B4GALNT3: variants seen among roughly 807,000 people sequenced by gnomAD.
B4GALNT3 encodes the protein beta-1,4-N-acetylgalactosaminyltransferase 3.
B4GALNT3 carries 86 observed loss-of-function variants against 120.2 expected under a neutral mutation model. The observed-to-expected ratio is 0.72, with a 90% CI of 0.60 to 0.86. The LOEUF (loss-of-function observed/expected upper bound fraction) is 0.86, where lower values mean the gene tolerates loss of function less well. B4GALNT3 is among the 40% of genes least tolerant of loss of function. B4GALNT3 has a pLI of 0.00. For synonymous variants in B4GALNT3, 518 were observed against 510.4 expected, an observed-to-expected ratio of 1.01 and a Z score of -0.20; for missense variants, 1,167 against 1,298.9, an observed-to-expected ratio of 0.90 and a Z score of 1.56.
intron 1 of B4GALNT3, among the ~76,000 whole-genome samples, chr12:496,722 G>A (rs189273686): frequency 1.3e-5 from 2 of 152,174 alleles, no homozygotes. Context: ...CTCTGCCCAT[G>A]CGCGTTAAGC....
chr12:511,394 TGTCTTCCACCTTCCTTCC>T (rs1946554653), intron 1 of B4GALNT3, among the ~76,000 whole-genome samples: 1 of 71,534 alleles, frequency 1.4e-5, no homozygotes, highest in Non-Finnish European at 3.2e-5. Flanking sequence ...TTCCACCTTC[TGTCTTCCACCTTCCTTCC>T]ACCTTCCACC....
intron 1 of B4GALNT3, among the ~76,000 whole-genome samples, chr12:471,431 G>A (rs1946134855): frequency 2.0e-5 from 3 of 148,602 alleles, no homozygotes; most frequent in African/African-American, 7.4e-5. Context: ...AATAGGCTGG[G>A]CACGGTGGCT....
chr12:494,077 C>G (rs541267839), intron 1 of B4GALNT3, among the ~76,000 whole-genome samples: 3 of 152,084 alleles, frequency 2.0e-5, no homozygotes, highest in Non-Finnish European at 4.4e-5. Context: ...TGAGACCAGC[C>G]TGGGCAACAT....
chr12:544,763 C>A, intron 4 of B4GALNT3, 119 bp from the exon 5 acceptor site: 2 of 1,004,890 alleles, frequency 2.0e-6, no homozygotes, highest in African/African-American at 1.6e-5. Flanking sequence ...ACTCCACTCA[C>A]AAAGCCACAG....
chr12:551,678 A>G (rs973528638), intron 11 of B4GALNT3, among the ~76,000 whole-genome samples: 1 of 151,994 alleles, frequency 6.6e-6, no homozygotes, highest in African/African-American at 2.4e-5. Context: ...AAATAGGAAG[A>G]GGGGTTGTTC....
At chr12:554,594 T>TA (rs1565611471) in intron 14 of B4GALNT3, among the ~76,000 whole-genome samples, 29 of 150,360 alleles carry the variant, frequency 1.9e-4, no homozygotes, top group African/African-American at 6.9e-4. Context: ...ATCGAGACCA[T>TA]CCTGGCTAAC....
At chr12:519,645 C>G (rs982231279) in intron 1 of B4GALNT3, among the ~76,000 whole-genome samples, 7 of 150,980 alleles carry the variant, frequency 4.6e-5, no homozygotes, top group African/African-American at 1.7e-4. Flanking sequence ...CATCCCATCC[C>G]AAGCAGTTTT....
intron 1 of B4GALNT3, among the ~76,000 whole-genome samples, chr12:484,339 A>G (rs1946270172): frequency 6.6e-6 from 1 of 152,158 alleles, no homozygotes; most frequent in African/African-American, 2.4e-5. Flanking sequence ...AATGCAAGCA[A>G]TGCCATCCTG....
intron 1 of B4GALNT3, among the ~76,000 whole-genome samples, chr12:515,429 C>T (rs1231257281): frequency 6.6e-6 from 1 of 152,094 alleles, no homozygotes; most frequent in African/African-American, 2.4e-5. Context: ...AATCTCCTGA[C>T]CTCGTGATCC....
In B4GALNT3 at chr12:561,424, G is replaced by A. The variant is rs572504018; in HGVS notation, c.2970G>A (p.Trp990Ter). The A allele has an allele frequency of 1.2e-6, 2 of 1,613,614 alleles. No individual in the cohort carries two copies. The highest frequency in any genetic ancestry group is 1.1e-5 in the South Asian group (1 of 91,062). The change falls in exon 20 of 20, where the codon TGG becomes TGA. Residue 990 changes from tryptophan to a stop codon, truncating the protein, a stop_gained. Coordinates refer to ENST00000266383, the MANE Select transcript of B4GALNT3 (RefSeq NM_173593.4). LOFTEE classifies it high-confidence loss of function. ...ATTTCCATTCCAAGCGAGGCATGTG[G>A]AGCCGTCGCCAGATGAAGACGCTGT... Reference protein sequence around the residue: ...FHHFHSKRGMWSRRQMKTL With the variant: ...FHHFHSKRGM
rs1353835172 is a variant in B4GALNT3 at position 552,000 on chromosome 12, G to T, written c.1108-63G>T. Reference sequence around the variant, plus strand: ...CCAGCCAGGGGCAGGCTTAACCCTGGCTGGCTGATTTCTTACCAAGATCTC... The same window carrying T: ...CCAGCCAGGGGCAGGCTTAACCCTGTCTGGCTGATTTCTTACCAAGATCTC... On this transcript the variant is annotated intron_variant, in intron 11 of 19. Coordinates refer to ENST00000266383, the MANE Select transcript of B4GALNT3 (RefSeq NM_173593.4). 1.3e-5 allele frequency: 17 copies of T among 1,307,068 alleles called. No individual in the cohort carries two copies. The East Asian group carries it at 3.9e-4, about 30-fold the overall frequency. 81.0% of individuals were successfully genotyped at this position (1,307,068 alleles called of 1,614,324 possible).
intron 1 of B4GALNT3, among the ~76,000 whole-genome samples, chr12:491,971 T>C (rs1038985799): frequency 2.0e-5 from 3 of 150,554 alleles, no homozygotes; most frequent in African/African-American, 7.3e-5. Flanking sequence ...GGCAGGAAAA[T>C]TGTGTGAACC....
chr12:481,379 A>G (rs215225), intron 1 of B4GALNT3, among the ~76,000 whole-genome samples: 64,617 of 152,114 alleles, frequency 0.42, 13,848 homozygotes, highest in Middle Eastern at 0.55. Context: ...GTGCCTTAGG[A>G]TATGACGGGG....
intron 1 of B4GALNT3, among the ~76,000 whole-genome samples, chr12:504,759 C>T (rs1946480158): frequency 6.6e-6 from 1 of 152,118 alleles, no homozygotes; most frequent in Non-Finnish European, 1.5e-5. Context: ...TAATTATCAT[C>T]ACCATGTTGT....
Position 548,111 on chromosome 12 carries a change from C to T in B4GALNT3, c.786+9C>T, listed in dbSNP as rs780847078. 7 of 1,611,912 alleles carry T rather than the reference C, an allele frequency of 4.3e-6. No individual in the cohort carries two copies. In the African/African-American group the frequency reaches 8.0e-5, roughly 18 times the overall value. ...ACCACGTGGAAGTTGCAGTGAGTTT[C>T]CTGCTGCTCCCGCCTCTCCCAGCTC... is the stretch of plus-strand genomic sequence containing the variant. On this transcript the variant is annotated intron_variant, in intron 8 of 19. Transcript: ENST00000266383. The surrounding 1 kb of genome is among the most constrained non-coding windows in gnomAD (Gnocchi z 4.9).
At chr12:474,565 A>G (rs756134626) in intron 1 of B4GALNT3, among the ~76,000 whole-genome samples, 4 of 152,170 alleles carry the variant, frequency 2.6e-5, no homozygotes, top group Non-Finnish European at 5.9e-5. Flanking sequence ...CATGCCTGCA[A>G]TCCAGCACTT....
In B4GALNT3 at chr12:460,077, G is replaced by A. The variant is rs1946004724; in HGVS notation, c.-300G>A. On this transcript the variant is annotated 5_prime_UTR_variant, in exon 1 of 20. Transcript: ENST00000266383. This position sits in a 1 kb window ranked among gnomAD's most constrained non-coding sequence, Gnocchi z 8.0. ...GGGCGGGCGCGCAGGGAGGGAGGGC[G>A]GCAGCGAGCCTGCGACGGGAGAGGC... is the stretch of plus-strand genomic sequence containing the variant. Among the ~76,000 whole-genome samples, 1 of 151,122 alleles carries A rather than the reference G, an allele frequency of 6.6e-6. No individual in the cohort carries two copies. The highest frequency in any genetic ancestry group is 6.6e-5 in the Admixed American group (1 of 15,190).
intron 1 of B4GALNT3, among the ~76,000 whole-genome samples, chr12:486,299 C>A (rs534009924): frequency 6.6e-6 from 1 of 151,268 alleles, no homozygotes; most frequent in South Asian, 2.1e-4. Flanking sequence ...AACCTCCACC[C>A]CTCAAGTTTA....
intron 1 of B4GALNT3, among the ~76,000 whole-genome samples, chr12:514,403 T>C (rs1040043835): frequency 1.3e-5 from 2 of 151,824 alleles, no homozygotes; most frequent in African/African-American, 4.8e-5. Context: ...TTCACCGTGT[T>C]AGCCAGGATG....
Sources: gnomAD v4.1 joint callset for allele counts (sites outside exome capture counted in the v4.1 genomes callset) on GRCh38, gnomAD v4.1.1 for gene constraint, Gnocchi (gnomAD v3.1) non-coding constraint, MANE v1.5 for transcripts, NCBI Gene and HGNC (gene_info 2026-07-23, HGNC 2026-07-21) for gene names.